Variants in NRXN3 observed in about 807,000 individuals in gnomAD.
NRXN3 encodes the protein neurexin 3.
In NRXN3, 32 loss-of-function variants were observed where a neutral mutation model predicts 137.6. The ratio of observed to expected loss-of-function variants is 0.23; its 90% CI spans 0.18 to 0.31. The LOEUF (loss-of-function observed/expected upper bound fraction) is 0.31. Among genes scored for constraint, NRXN3 ranks in the 10% least tolerant of loss-of-function variants. NRXN3 has a pLI of 1.00. For synonymous variants in NRXN3, 798 were observed against 784.5 expected (o/e 1.02, Z -0.29); for missense variants, 1,574 against 2,062.5 (o/e 0.76, Z 4.59).
chr14:79,615,697 C>T (rs955820811), intron 16 of NRXN3, among the ~76,000 whole-genome samples: 2 of 152,040 alleles, frequency 1.3e-5, no homozygotes, highest in Admixed American at 6.6e-5. Context: ...GGGAAAAGCC[C>T]CGTATAGAAC....
Position 78,641,629 on chromosome 14 carries a change from T to A in NRXN3, c.758-3491T>A, listed in dbSNP as rs184810408. On this transcript the variant is annotated intron_variant, in intron 4 of 20. Coordinates refer to ENST00000335750, the MANE Select transcript of NRXN3 (RefSeq NM_001330195.2). ...CAGTTGTCTATTGTTTGTTGACCAA[T>A]GGAGGAGATATCCCAACATGGTAAT... 2.0e-4 allele frequency among the ~76,000 whole-genome samples: 31 copies of A among 152,374 alleles called. 1 individual carries two copies. In the East Asian group the frequency reaches 6.0e-3, roughly 29 times the overall value.
intron 15 of NRXN3, among the ~76,000 whole-genome samples, chr14:79,399,510 C>A (rs1307890049): frequency 1.3e-5 from 2 of 151,980 alleles, no homozygotes; most frequent in African/African-American, 4.8e-5. Context: ...TATTGGAGAG[C>A]AATTAGATGT....
intron 15 of NRXN3, among the ~76,000 whole-genome samples, chr14:79,094,642 C>G (rs931923109): frequency 2.0e-5 from 3 of 152,072 alleles, no homozygotes; most frequent in Non-Finnish European, 4.4e-5. Context: ...ATTTTTTACC[C>G]TTGAAGGAAT....
intron 4 of NRXN3, among the ~76,000 whole-genome samples, chr14:78,336,097 A>C (rs1368448587): frequency 6.6e-6 from 1 of 152,092 alleles, no homozygotes; most frequent in Non-Finnish European, 1.5e-5. Flanking sequence ...CCACCCCCAT[A>C]GAGTATGATT....
intron 10 of NRXN3, among the ~76,000 whole-genome samples, chr14:78,873,510 A>AT (rs1159364459): frequency 5.3e-5 from 8 of 152,116 alleles, no homozygotes; most frequent in Admixed American, 3.3e-4. Context: ...GCCTTTATTC[A>AT]TTTGTTCAAC....
intron 15 of NRXN3, among the ~76,000 whole-genome samples, chr14:79,137,931 A>G (rs1478896561): frequency 2.0e-5 from 3 of 152,168 alleles, no homozygotes; most frequent in Non-Finnish European, 4.4e-5. Context: ...TTTCATTGTC[A>G]TTGGAGAAGG....
At chr14:78,580,796 C>A (rs962699054) in intron 4 of NRXN3, among the ~76,000 whole-genome samples, 6 of 152,174 alleles carry the variant, frequency 3.9e-5, no homozygotes, top group Non-Finnish European at 5.9e-5. Flanking sequence ...AGTAGTAACT[C>A]TTCTTTGGGG....
chr14:78,747,969 C>T (rs2098619862), intron 8 of NRXN3, among the ~76,000 whole-genome samples: 1 of 152,164 alleles, frequency 6.6e-6, no homozygotes, highest in African/African-American at 2.4e-5. Flanking sequence ...CTTTCATTTT[C>T]ATTTTACATG....
chr14:78,947,138 T>A (rs1409248148), intron 10 of NRXN3, among the ~76,000 whole-genome samples: 1 of 152,152 alleles, frequency 6.6e-6, no homozygotes, highest in African/African-American at 2.4e-5. Context: ...CACCAGATGC[T>A]AAGAGGATAA....
intron 4 of NRXN3, among the ~76,000 whole-genome samples, chr14:78,508,008 G>T (rs1035075720): frequency 6.6e-6 from 1 of 152,178 alleles, no homozygotes; most frequent in African/African-American, 2.4e-5. Flanking sequence ...TTTTTGATGA[G>T]GGTAATGGTA....
intron 4 of NRXN3, among the ~76,000 whole-genome samples, chr14:78,429,246 T>TATATA (rs59488018): frequency 0.071 from 10,767 of 151,092 alleles, 501 homozygotes; most frequent in Admixed American, 0.14. Flanking sequence ...ATATATATAT[T>TATATA]TTTTGTATAT....
At chr14:79,306,155 C>T (rs1176914140) in intron 15 of NRXN3, among the ~76,000 whole-genome samples, 1 of 152,004 alleles carries the variant, frequency 6.6e-6, no homozygotes, top group African/African-American at 2.4e-5. Context: ...GATGCTCTGT[C>T]AGCTTAAATC....
intron 4 of NRXN3, among the ~76,000 whole-genome samples, chr14:78,612,199 G>A (rs190203912): frequency 6.2e-4 from 94 of 152,322 alleles, no homozygotes; most frequent in Admixed American, 1.8e-3. Context: ...TGGTTGGATT[G>A]TCATAGCACC....
intron 15 of NRXN3, among the ~76,000 whole-genome samples, chr14:79,258,545 G>T (rs1446878059): frequency 3.9e-5 from 6 of 152,080 alleles, no homozygotes; most frequent in Admixed American, 3.9e-4. Flanking sequence ...TTCTTCTTCA[G>T]TTTCTACAAA....
intron 15 of NRXN3, among the ~76,000 whole-genome samples, chr14:79,265,635 C>T (rs184953231): frequency 1.2e-4 from 19 of 152,258 alleles, no homozygotes; most frequent in African/African-American, 4.3e-4. Context: ...GTCCTTTCAT[C>T]CTTTTTTGCT....
chr14:79,388,626 C>T lies in NRXN3; in HGVS notation c.3263-78595C>T, dbSNP rs373212858. Among the ~76,000 whole-genome samples, 265 of 152,212 alleles carry T rather than the reference C, an allele frequency of 1.7e-3. 6 individuals are homozygous for T. In the South Asian group the frequency reaches 0.052, roughly 30 times the overall value. On this transcript the variant is annotated intron_variant, in intron 15 of 20. Transcript: ENST00000335750. ...ACAGCCCTCGACTCATGCTAGATCTCGGTTCATTCTGTATCCAGGGACTCC... is the reference window on the plus strand; with the variant it reads ...ACAGCCCTCGACTCATGCTAGATCTTGGTTCATTCTGTATCCAGGGACTCC...
intron 4 of NRXN3, among the ~76,000 whole-genome samples, chr14:78,515,165 G>A (rs1257234724): frequency 6.6e-6 from 1 of 152,122 alleles, no homozygotes; most frequent in East Asian, 1.9e-4. Context: ...AGCAGACAGA[G>A]AACACTCACC....
At chr14:78,218,312 C>T (rs1004906996) in intron 1 of NRXN3, among the ~76,000 whole-genome samples, 4 of 152,104 alleles carry the variant, frequency 2.6e-5, no homozygotes, top group Admixed American at 6.5e-5. Context: ...GCCATGCTCA[C>T]GCCACTGTGC....
intron 17 of NRXN3, among the ~76,000 whole-genome samples, chr14:79,688,966 T>C (rs1484934699): frequency 6.6e-6 from 1 of 152,122 alleles, no homozygotes; most frequent in East Asian, 1.9e-4. Context: ...AGGTGTCGGA[T>C]CCACAGAAGT....
Sources: gnomAD v4.1 joint callset for allele counts (sites outside exome capture counted in the v4.1 genomes callset) on GRCh38, gnomAD v4.1.1 for gene constraint, MANE v1.5 for transcripts, NCBI Gene and HGNC (gene_info 2026-07-23, HGNC 2026-07-21) for gene names.